Variants in UQCC1 observed in about 807,000 individuals in gnomAD.
The protein encoded by UQCC1 is bFGF-repressed Zic-binding protein.
UQCC1 carries 38 observed loss-of-function variants against 48.0 expected under a neutral mutation model. The ratio of observed to expected loss-of-function variants is 0.79; its 90% confidence interval spans 0.61 to 1.04. The LOEUF (loss-of-function observed/expected upper bound fraction) is 1.04, where lower values mean the gene tolerates loss of function less well. Ranked by LOEUF, UQCC1 falls within the 50% of genes least tolerant of loss-of-function variation. UQCC1 has a pLI of 0.00. For missense variants in UQCC1, 368 were observed against 381.8 expected, an observed-to-expected ratio of 0.96 and a Z score of 0.30; for synonymous variants, 111 against 129.2, an observed-to-expected ratio of 0.86 and a Z score of 0.95.
At chr20:35,333,787 G>A (rs567271594) in intron 7 of UQCC1, among the ~76,000 whole-genome samples, 3 of 151,710 alleles carry the variant, frequency 2.0e-5, no homozygotes, top group Non-Finnish European at 2.9e-5. Flanking sequence ...AACAATGCCA[G>A]ACTGTGAAAA....
chr20:35,352,119 T>A (rs1168574449), intron 6 of UQCC1, among the ~76,000 whole-genome samples: 1 of 152,186 alleles, frequency 6.6e-6, no homozygotes, highest in Non-Finnish European at 1.5e-5. Context: ...GAAAGCTTCA[T>A]GGAAAATGAA....
At chr20:35,410,715 A>AAAAAAAAAAAAAAAAAAAAAC (rs2062342196) in intron 1 of UQCC1, among the ~76,000 whole-genome samples, 1 of 121,510 alleles carries the variant, frequency 8.2e-6, no homozygotes, top group African/African-American at 3.3e-5. Context: ...AAAAAAAAAA[A>AAAAAAAAAAAAAAAAAAAAAC]AAAAAAAAAC....
intron 8 of UQCC1, among the ~76,000 whole-genome samples, chr20:35,308,823 T>C (rs569005249): frequency 2.0e-4 from 31 of 152,346 alleles, no homozygotes; most frequent in Non-Finnish European, 4.0e-4. Context: ...CAAGTGATTC[T>C]CTTGCCTCAG....
At chr20:35,399,011 G>A (rs2062122271) in intron 1 of UQCC1, among the ~76,000 whole-genome samples, 1 of 152,132 alleles carries the variant, frequency 6.6e-6, no homozygotes, top group African/African-American at 2.4e-5. Context: ...TGAAACCACT[G>A]AAGTGTAACA....
intron 1 of UQCC1, among the ~76,000 whole-genome samples, chr20:35,394,665 A>C (rs1200141327): frequency 6.6e-6 from 1 of 152,200 alleles, no homozygotes; most frequent in South Asian, 2.1e-4. Context: ...TCTATACTCA[A>C]CACTCCACTT....
intron 7 of UQCC1, among the ~76,000 whole-genome samples, chr20:35,317,828 C>T (rs1568652339): frequency 6.6e-6 from 1 of 152,214 alleles, no homozygotes; most frequent in Non-Finnish European, 1.5e-5. Flanking sequence ...GGATTTTCTT[C>T]TTCTTCGCCT....
At chr20:35,381,369 T>A (rs1182657813) in intron 4 of UQCC1, among the ~76,000 whole-genome samples, 1 of 152,146 alleles carries the variant, frequency 6.6e-6, no homozygotes, top group Non-Finnish European at 1.5e-5. Context: ...TCAGAAGTCA[T>A]CTATATGGCA....
intron 7 of UQCC1, among the ~76,000 whole-genome samples, chr20:35,338,830 C>T (rs114678651): frequency 0.013 from 1,463 of 114,202 alleles, 36 homozygotes; most frequent in African/African-American, 0.047. Context: ...CCAGACCGGG[C>T]GAGAAAGCAA....
chr20:35,347,917 A>G (rs1025901491), intron 6 of UQCC1, among the ~76,000 whole-genome samples: 2 of 152,238 alleles, frequency 1.3e-5, no homozygotes, highest in Non-Finnish European at 2.9e-5. Flanking sequence ...TTACTTTTTC[A>G]AATGTAGATA....
chr20:35,355,125 G>C (rs969667627), intron 6 of UQCC1, among the ~76,000 whole-genome samples: 2 of 152,060 alleles, frequency 1.3e-5, no homozygotes, highest in African/African-American at 4.8e-5. Context: ...CCTAGACAGG[G>C]ACAGAACATG....
At chr20:35,342,454 A>T (rs929344385) in intron 7 of UQCC1, among the ~76,000 whole-genome samples, 6 of 152,248 alleles carry the variant, frequency 3.9e-5, no homozygotes, top group Non-Finnish European at 8.8e-5. Context: ...GGTTAGCCAC[A>T]AGACTGGACA....
At chr20:35,361,787 A>G (rs2061608230) in intron 6 of UQCC1, among the ~76,000 whole-genome samples, 2 of 152,224 alleles carry the variant, frequency 1.3e-5, no homozygotes, top group African/African-American at 2.4e-5. Flanking sequence ...AGTTGTGAGC[A>G]TGTGTGAAAT....
rs1419087392 is a variant in UQCC1, at chr20:35,303,910, C to T, written c.*25G>A. On this transcript the variant is annotated 3_prime_UTR_variant, in exon 10 of 10. Transcript: ENST00000374385. ...CTGGAGGTTCCTCGAAGCCAGCTGG[C>T]GGGCCGTGCGGAGGGCCCAGCCCAT... 2 of 1,613,866 alleles carry T rather than the reference C, an allele frequency of 1.2e-6. No homozygotes were observed. Among genetic ancestry groups the T allele is most frequent in the African/African-American group, 1.3e-5 (1 of 74,928 alleles).
chr20:35,399,674 T>A (rs574650539), intron 1 of UQCC1, among the ~76,000 whole-genome samples: 1 of 151,750 alleles, frequency 6.6e-6, no homozygotes, highest in Non-Finnish European at 1.5e-5. Flanking sequence ...CTGGCCAACA[T>A]GGCAAAACCC....
At chr20:35,324,235 T>G (rs2061163828) in intron 7 of UQCC1, among the ~76,000 whole-genome samples, 1 of 152,260 alleles carries the variant, frequency 6.6e-6, no homozygotes, top group African/African-American at 2.4e-5. Flanking sequence ...CTTAGTTACC[T>G]TCCAATAAAT....
chr20:35,374,242 C>T lies in UQCC1; in HGVS notation c.348G>A (p.Ala116=), dbSNP rs755779955. The T allele has an allele frequency of 8.1e-6, 13 of 1,611,706 alleles. No homozygotes were observed. The highest frequency in any genetic ancestry group is 5.3e-5 in the African/African-American group (4 of 74,784). Residue 116 remains alanine, a synonymous_variant, in exon 5 of 10, where the codon GCG becomes GCA. Transcript: ENST00000374385. The part of the protein sequence containing the change: ...LKYSKWKIKI[A]ALRMYTSCVE... The stretch of plus-strand genomic sequence containing the variant: ...CACAGCTAGTATACATGCGCAGGGC[C>T]GCAATCTTAATCTTCTAGACAAAGA...
intron 2 of UQCC1, chr20:35,384,625 C>T (rs1039496939): frequency 1.1e-5 from 5 of 441,468 alleles, no homozygotes; most frequent in African/African-American, 1.1e-4. Context: ...CTGGGCGACT[C>T]AGCAAGAGCA....
At chr20:35,348,718 AAC>A (rs2061458014) in intron 6 of UQCC1, among the ~76,000 whole-genome samples, 1 of 152,160 alleles carries the variant, frequency 6.6e-6, no homozygotes, top group Admixed American at 6.5e-5. Flanking sequence ...CAGTGGCACA[AAC>A]ACAGCTCACT....
chr20:35,347,381 T>A, intron 6 of UQCC1, 109 bp from the exon 7 acceptor site: 1 of 1,336,978 alleles, frequency 7.5e-7, no homozygotes, highest in Non-Finnish European at 1.0e-6. Flanking sequence ...GGGCACCAAA[T>A]CAAACTGGAA....
Sources: gnomAD v4.1 joint callset for allele counts (sites outside exome capture counted in the v4.1 genomes callset) on GRCh38, gnomAD v4.1.1 for gene constraint, MANE v1.5 for transcripts, NCBI Gene and HGNC (gene_info 2026-07-23, HGNC 2026-07-21) for gene names.